CAMK4: variants seen among roughly 807,000 people sequenced by gnomAD.
CAMK4 encodes the protein calcium/calmodulin-dependent protein kinase type IV.
A neutral mutation model predicts 44.9 loss-of-function variants in CAMK4; 22 were observed. The observed-to-expected ratio is 0.49, with a 90% CI of 0.35 to 0.70. The LOEUF (loss-of-function observed/expected upper bound fraction) is 0.70. CAMK4 is among the 30% of genes least tolerant of loss of function. The pLI is 0.01. For missense variants in CAMK4, 498 were observed against 586.8 expected (o/e 0.85, Z 1.56); for synonymous variants, 218 against 215.4 (o/e 1.01, Z -0.11).
chr5:111,362,090 G>A (rs922632324), intron 2 of CAMK4, among the ~76,000 whole-genome samples: 10 of 151,972 alleles, frequency 6.6e-5, no homozygotes, highest in Non-Finnish European at 1.2e-4. Flanking sequence ...TTTAGTGAAC[G>A]TTTCACAGGG....
intron 4 of CAMK4, among the ~76,000 whole-genome samples, chr5:111,393,141 A>T (rs1030379007): frequency 3.3e-5 from 5 of 152,224 alleles, no homozygotes; most frequent in Non-Finnish European, 1.5e-5. Flanking sequence ...AGAAGCAGCA[A>T]TGATAGATTT....
intron 4 of CAMK4, among the ~76,000 whole-genome samples, chr5:111,385,448 A>G (rs1163772367): frequency 1.3e-5 from 2 of 152,114 alleles, no homozygotes. Context: ...ACTGTTGGGT[A>G]AAATATGAGC....
intron 2 of CAMK4, among the ~76,000 whole-genome samples, chr5:111,371,266 C>G (rs940661885): frequency 2.0e-5 from 3 of 152,108 alleles, no homozygotes; most frequent in African/African-American, 4.8e-5. Context: ...AAAACATTCT[C>G]CATTTTGTAT....
intron 2 of CAMK4, among the ~76,000 whole-genome samples, chr5:111,354,286 A>C (rs1450623662): frequency 1.3e-5 from 2 of 152,150 alleles, no homozygotes; most frequent in East Asian, 3.9e-4. Context: ...GATTGAGTGC[A>C]GGAGGAAATG....
chr5:111,422,570 G>T (rs1433130536), intron 5 of CAMK4, among the ~76,000 whole-genome samples: 2 of 152,306 alleles, frequency 1.3e-5, no homozygotes, highest in African/African-American at 4.8e-5. Flanking sequence ...AAGCAGTCTT[G>T]TGGGATTTTG....
intron 1 of CAMK4, among the ~76,000 whole-genome samples, chr5:111,341,692 T>C (rs864869): frequency 0.92 from 138,624 of 151,228 alleles, 63,646 homozygotes; most frequent in East Asian, 1. Context: ...CTGTGCCAAG[T>C]ATCACTCTAA....
intron 5 of CAMK4, among the ~76,000 whole-genome samples, chr5:111,434,546 G>A (rs1244153488): frequency 1.3e-5 from 2 of 152,186 alleles, no homozygotes; most frequent in Non-Finnish European, 2.9e-5. Flanking sequence ...ATGGATCATG[G>A]CTTAGCACAG....
At chr5:111,287,952 C>A (rs939576534) in intron 1 of CAMK4, among the ~76,000 whole-genome samples, 2 of 152,166 alleles carry the variant, frequency 1.3e-5, no homozygotes, top group Non-Finnish European at 2.9e-5. Context: ...ATATCCCTTT[C>A]GTTTTTATGG....
chr5:111,273,714 TATATACACACAC>T (rs1360001758), intron 1 of CAMK4, among the ~76,000 whole-genome samples: 7 of 57,032 alleles, frequency 1.2e-4, no homozygotes, highest in African/African-American at 5.2e-4. Context: ...TATATATATA[TATATACACACAC>T]ATACATACAC....
chr5:111,273,710 TATATATATACACAC>T (rs1466750336), intron 1 of CAMK4, among the ~76,000 whole-genome samples: 2,648 of 59,046 alleles, frequency 0.045, 256 homozygotes, highest in African/African-American at 0.18. Flanking sequence ...TATATATATA[TATATATATACACAC>T]ACATACATAC....
At chr5:111,331,679 T>A (rs1413620462) in intron 1 of CAMK4, among the ~76,000 whole-genome samples, 1 of 151,656 alleles carries the variant, frequency 6.6e-6, no homozygotes, top group East Asian at 2.0e-4. Flanking sequence ...CCCTCCTTTT[T>A]AGTCACCAGT....
intron 1 of CAMK4, among the ~76,000 whole-genome samples, chr5:111,257,106 C>CA (rs1259646437): frequency 6.6e-6 from 1 of 152,112 alleles, no homozygotes; most frequent in Non-Finnish European, 1.5e-5. Flanking sequence ...GATTTCATGA[C>CA]AAAAACATCA....
intron 5 of CAMK4, among the ~76,000 whole-genome samples, chr5:111,442,553 C>CAT (rs1554072118): frequency 1.1e-4 from 17 of 149,490 alleles, no homozygotes; most frequent in African/African-American, 3.9e-4. Flanking sequence ...TACACACACA[C>CAT]ACATACATAC....
chr5:111,274,889 T>A (rs77979501), intron 1 of CAMK4, among the ~76,000 whole-genome samples: 1,895 of 152,078 alleles, frequency 0.012, 24 homozygotes, highest in African/African-American at 0.032. Context: ...CTCTTTTTTT[T>A]AAAAAAAATT....
intron 1 of CAMK4, among the ~76,000 whole-genome samples, chr5:111,333,350 G>T (rs1660940): frequency 6.6e-6 from 1 of 151,530 alleles, no homozygotes; most frequent in South Asian, 2.1e-4. Context: ...TAAACTTTTC[G>T]CAAGATGTTT....
chr5:111,367,801 C>A (rs1417875415), intron 2 of CAMK4, among the ~76,000 whole-genome samples: 2 of 152,066 alleles, frequency 1.3e-5, no homozygotes, highest in African/African-American at 4.8e-5. Flanking sequence ...GTGAATTCCC[C>A]CTTCTTCCTT....
At chr5:111,392,066 T>G (rs989338911) in intron 4 of CAMK4, among the ~76,000 whole-genome samples, 11 of 152,144 alleles carry the variant, frequency 7.2e-5, no homozygotes, top group African/African-American at 2.7e-4. Context: ...TTCTTCGTAA[T>G]TTTTGACAGC....
At chr5:111,371,882 C>G (rs186340802) in intron 2 of CAMK4, among the ~76,000 whole-genome samples, 2 of 152,178 alleles carry the variant, frequency 1.3e-5, no homozygotes, top group East Asian at 3.9e-4. Flanking sequence ...CCAATGACAT[C>G]AAAACAATTG....
At chr5:111,254,490 C>G (rs1389020986) in intron 1 of CAMK4, among the ~76,000 whole-genome samples, 1 of 152,200 alleles carries the variant, frequency 6.6e-6, no homozygotes, top group Non-Finnish European at 1.5e-5. Context: ...CCTTCACACT[C>G]TGTAATGCCA....
Sources: gnomAD v4.1 joint callset for allele counts (sites outside exome capture counted in the v4.1 genomes callset) on GRCh38, gnomAD v4.1.1 for gene constraint, MANE v1.5 for transcripts, NCBI Gene and HGNC (gene_info 2026-07-23, HGNC 2026-07-21) for gene names.